EHMT1: variants seen among roughly 807,000 people sequenced by gnomAD.
EHMT1 encodes the protein histone-lysine N-methyltransferase EHMT1.
A neutral mutation model predicts 147.2 loss-of-function variants in EHMT1; 15 were observed. That is an observed-to-expected ratio of 0.10 (90% CI 0.07 to 0.16). The LOEUF (loss-of-function observed/expected upper bound fraction) is 0.16. Ranked by LOEUF, EHMT1 falls within the 10% of genes least tolerant of loss-of-function variation. EHMT1 has a pLI of 1.00. For synonymous variants in EHMT1, 795 were observed against 709.6 expected (o/e 1.12, Z -1.91); for missense variants, 1,587 against 1,772.4 (o/e 0.90, Z 1.88).
intron 1 of EHMT1, among the ~76,000 whole-genome samples, chr9:137,686,105 C>A (rs1197469036): frequency 1.3e-5 from 2 of 152,030 alleles, no homozygotes; most frequent in African/African-American, 2.4e-5. Flanking sequence ...TTTCCAGATA[C>A]TGGGCCCTTA....
At chr9:137,805,718 AGT>A (rs1286039123) in intron 18 of EHMT1, among the ~76,000 whole-genome samples, 2 of 151,386 alleles carry the variant, frequency 1.3e-5, no homozygotes, top group African/African-American at 4.9e-5. Flanking sequence ...GCTGGAATGC[AGT>A]GGCATGATCT....
At chr9:137,792,194 G>A (rs1952578140) in intron 16 of EHMT1, 1 of 440,158 alleles carries the variant, frequency 2.3e-6, no homozygotes, top group Non-Finnish European at 4.6e-6. Context: ...TGAAAACAGT[G>A]TGGGACTGGC....
intron 10 of EHMT1, among the ~76,000 whole-genome samples, chr9:137,772,323 C>G (rs1016890753): frequency 6.6e-6 from 1 of 151,014 alleles, no homozygotes; most frequent in African/African-American, 2.4e-5. Flanking sequence ...ACGTTTGTCT[C>G]TATTTTTGAA....
At chr9:137,820,035 AAGC>A (rs997971218) in intron 25 of EHMT1, 7 of 152,056 alleles carry the variant, frequency 4.6e-5, no homozygotes, top group African/African-American at 1.7e-4. Context: ...TTCTCATCTC[AAGC>A]AGCAGCCACC....
chr9:137,683,203 A>C (rs1467267478), intron 1 of EHMT1, among the ~76,000 whole-genome samples: 1 of 152,228 alleles, frequency 6.6e-6, no homozygotes, highest in Non-Finnish European at 1.5e-5. Context: ...AAGCTCAGAG[A>C]CAGAATATAT....
intron 18 of EHMT1, chr9:137,802,651 C>T (rs909361227): frequency 9.1e-6 from 4 of 441,280 alleles, no homozygotes; most frequent in South Asian, 1.3e-4. Context: ...TGGAACCCCT[C>T]GCTGCATGTA....
At chr9:137,665,909 C>G (rs1251722498) in intron 1 of EHMT1, 1 of 152,254 alleles carries the variant, frequency 6.6e-6, no homozygotes, top group Admixed American at 6.5e-5. Flanking sequence ...TGAGATGGCT[C>G]TGGAGCATGC....
intron 18 of EHMT1, among the ~76,000 whole-genome samples, chr9:137,811,077 C>G (rs1324518777): frequency 1.3e-5 from 2 of 152,022 alleles, no homozygotes; most frequent in African/African-American, 2.4e-5. Flanking sequence ...TATGACTATA[C>G]CCCTGCTTGG....
Position 137,782,691 on chromosome 9 carries a change from G to A in EHMT1, c.2382+294G>A, listed in dbSNP as rs1420840653. The stretch of plus-strand genomic sequence containing the variant: ...TCACACTCATGACGTCCCTCTGGGG[G>A]AGCCAAGCACTCGCAGAGGCACGGA... On this transcript the variant is annotated intron_variant, in intron 15 of 26. Transcript: ENST00000460843. The surrounding 1 kb of genome is among the most constrained non-coding windows in gnomAD (Gnocchi z 5.7). 6.6e-6 allele frequency among the ~76,000 whole-genome samples: 1 copy of A among 152,136 alleles called. No homozygotes were observed. Among genetic ancestry groups the A allele is most frequent in the Admixed American group, 6.5e-5 (1 of 15,280 alleles).
chr9:137,784,137 G>C (rs1481167435), intron 15 of EHMT1: 1 of 1,540,186 alleles, frequency 6.5e-7, no homozygotes, highest in Admixed American at 2.0e-5. Context: ...AGGTCGAGGG[G>C]CTGCCTTTGG....
rs779765731 is a variant in EHMT1 at position 137,728,378 on chromosome 9, T to C, written c.672T>C (p.Val224=). ...LHAASKDPRE[V]REARDHKEPK... ...CAGCCAGTAAAGATCCCAGAGAAGTTCGAGAAGCTAGAGATCATAAGGAAC... is the reference window on the plus strand; with the variant it reads ...CAGCCAGTAAAGATCCCAGAGAAGTCCGAGAAGCTAGAGATCATAAGGAAC... Residue 224 remains valine (V), a synonymous_variant, in exon 4 of 27, where the codon GTT becomes GTC. Coordinates refer to ENST00000460843, the MANE Select transcript of EHMT1 (RefSeq NM_024757.5). 1.9e-6 allele frequency: 3 copies of C among 1,614,206 alleles called. No homozygotes were observed. The East Asian group carries it at 6.7e-5, about 36-fold the overall frequency.
intron 10 of EHMT1, among the ~76,000 whole-genome samples, chr9:137,768,356 T>TG (rs1832987009): frequency 6.9e-6 from 1 of 145,118 alleles, no homozygotes; most frequent in Non-Finnish European, 1.5e-5. Flanking sequence ...TGTTTTTTTT[T>TG]TTTTTTTTTT....
rs368162993 is a variant in EHMT1 at position 137,651,780 on chromosome 9, G to A, written c.21+32731G>A. Among the ~76,000 whole-genome samples the A allele has an allele frequency of 5.3e-5, 8 of 152,182 alleles. No homozygotes were observed. In the East Asian group the frequency reaches 1.4e-3, roughly 26 times the overall value. Reference sequence around the variant, plus strand: ...ACTGCACTCCAGCCTGAGTGACAGCGAGACGCCGTCTCAAGAAAAGAAAAA... The same window carrying A: ...ACTGCACTCCAGCCTGAGTGACAGCAAGACGCCGTCTCAAGAAAAGAAAAA... On this transcript the variant is annotated intron_variant, in intron 1 of 26. Transcript: ENST00000460843.
At chr9:137,808,214 C>T (rs764051055) in intron 18 of EHMT1, among the ~76,000 whole-genome samples, 83 of 151,998 alleles carry the variant, frequency 5.5e-4, no homozygotes, top group Non-Finnish European at 9.9e-4. Flanking sequence ...GGCTTGTGGC[C>T]GCTAGTGTCC....
intron 16 of EHMT1, among the ~76,000 whole-genome samples, chr9:137,798,612 A>G (rs1227956703): frequency 6.6e-6 from 1 of 152,064 alleles, no homozygotes. Context: ...GCGACTGACC[A>G]CTCATGGGGC....
intron 18 of EHMT1, chr9:137,803,304 C>T: frequency 3.0e-6 from 3 of 998,586 alleles, no homozygotes; most frequent in Non-Finnish European, 3.6e-6. Context: ...GCCATTGTTG[C>T]TGTCGGAAGA....
rs561983346 is a variant in EHMT1 at position 137,813,865 on chromosome 9, C to A, written c.3180+335C>A. ...GGGGCACAGGCGAGAGGAGCCCTTGCGAGGCCTGCAGGACGACCTGGATCC... is the reference window on the plus strand; with the variant it reads ...GGGGCACAGGCGAGAGGAGCCCTTGAGAGGCCTGCAGGACGACCTGGATCC... On this transcript the variant is annotated intron_variant, in intron 21 of 26. Coordinates refer to ENST00000460843, the MANE Select transcript of EHMT1 (RefSeq NM_024757.5). This position sits in a 1 kb window ranked among gnomAD's most constrained non-coding sequence, Gnocchi z 4.9. Among the ~76,000 whole-genome samples the A allele has an allele frequency of 1.3e-5, 2 of 152,162 alleles. No individual in the cohort carries two copies. The highest frequency in any genetic ancestry group is 2.9e-5 in the Non-Finnish European group (2 of 68,010).
At chr9:137,665,288 G>A (rs1033692110) in intron 1 of EHMT1, among the ~76,000 whole-genome samples, 1 of 152,138 alleles carries the variant, frequency 6.6e-6, no homozygotes, top group Non-Finnish European at 1.5e-5. Flanking sequence ...AGGTGTATAA[G>A]GGCCTCTCCC....
At chr9:137,755,385 C>G (rs1949306700) in intron 8 of EHMT1, among the ~76,000 whole-genome samples, 1 of 152,144 alleles carries the variant, frequency 6.6e-6, no homozygotes, top group Non-Finnish European at 1.5e-5. Context: ...TTTGAGTTGC[C>G]AGGCTGTCGA....
Sources: allele counts gnomAD v4.1 joint callset (sites outside exome capture counted in the v4.1 genomes callset), GRCh38; gene constraint gnomAD v4.1.1; non-coding constraint Gnocchi (gnomAD v3.1); transcripts MANE v1.5; gene names NCBI Gene and HGNC (gene_info 2026-07-23, HGNC 2026-07-21).